EYS: variants seen among roughly 807,000 people sequenced by gnomAD.
The protein encoded by EYS is EGF-like photoreceptor maintenance factor.
A neutral mutation model predicts 282.1 loss-of-function variants in EYS; 250 were observed. That is an observed-to-expected ratio of 0.89 (90% confidence interval 0.80 to 0.98). The LOEUF (loss-of-function observed/expected upper bound fraction) is 0.98, where lower values mean the gene tolerates loss of function less well. EYS is among the 50% of genes least tolerant of loss of function. EYS has a pLI of 0.00. For missense variants in EYS, 4,016 were observed against 3,709.0 expected, an observed-to-expected ratio of 1.08 and a Z score of -2.15; for synonymous variants, 1,355 against 1,282.9, an observed-to-expected ratio of 1.06 and a Z score of -1.20.
intron 2 of EYS, among the ~76,000 whole-genome samples, chr6:65,600,023 T>C (rs1289389718): frequency 6.6e-6 from 1 of 152,038 alleles, no homozygotes; most frequent in Non-Finnish European, 1.5e-5. Flanking sequence ...GTAAAAGTGA[T>C]CATGTGATCA....
chr6:64,299,593 G>A (rs887128904), intron 30 of EYS, among the ~76,000 whole-genome samples: 6 of 152,214 alleles, frequency 3.9e-5, no homozygotes, highest in African/African-American at 9.6e-5. Context: ...CAAGTTCACA[G>A]GGATTGTTCA....
chr6:65,364,249 T>C (rs1764825504), intron 8 of EYS, among the ~76,000 whole-genome samples: 1 of 149,348 alleles, frequency 6.7e-6, no homozygotes, highest in Admixed American at 6.8e-5. Context: ...AACTAAATGT[T>C]TTTTTTTTCA....
At chr6:65,682,767 G>A (rs1202974568) in intron 1 of EYS, among the ~76,000 whole-genome samples, 1 of 151,828 alleles carries the variant, frequency 6.6e-6, no homozygotes, top group African/African-American at 2.4e-5. Context: ...AAGAGGTGAT[G>A]CTAAATTTAT....
chr6:64,321,661 T>C (rs902660115), intron 29 of EYS, among the ~76,000 whole-genome samples: 7 of 151,882 alleles, frequency 4.6e-5, no homozygotes, highest in Non-Finnish European at 1.0e-4. Flanking sequence ...TGGAAAATAA[T>C]AGATCAAGAA....
rs1554142131 is a variant in EYS, at chr6:64,310,078, A to AAAAAC, written c.6079-2997_6079-2996insGTTTT. ...TTAAAAGTAAAAAAAATAAAAAAAA[A>AAAAAC]AATAACAGATGCTGGCAAGATTGTG... On this transcript the variant is annotated intron_variant, in intron 29 of 42. Coordinates refer to ENST00000503581, the MANE Select transcript of EYS (RefSeq NM_001142800.2). Among the ~76,000 whole-genome samples, 469 of 145,208 alleles carry AAAAAC rather than the reference A, an allele frequency of 3.2e-3. 5 individuals carry two copies. Among genetic ancestry groups the AAAAAC allele is most frequent in the African/African-American group, 0.012 (450 of 38,648 alleles).
chr6:64,802,115 G>A (rs576758355), intron 22 of EYS, among the ~76,000 whole-genome samples: 2 of 131,514 alleles, frequency 1.5e-5, no homozygotes, highest in East Asian at 4.8e-4. Context: ...CTCACTGCAA[G>A]CTCCTCCTCC....
chr6:64,742,300 T>C (rs944179591), intron 22 of EYS, among the ~76,000 whole-genome samples: 1 of 152,196 alleles, frequency 6.6e-6, no homozygotes, highest in Non-Finnish European at 1.5e-5. Flanking sequence ...GTGTGGCTTA[T>C]GGCCCACTCA....
At chr6:64,107,287 A>ATATATATATATATATATATATATATATT (rs1773057201) in intron 31 of EYS, among the ~76,000 whole-genome samples, 7 of 59,624 alleles carry the variant, frequency 1.2e-4, no homozygotes, top group African/African-American at 2.5e-4. Context: ...ATATATATTT[A>ATATATATATATATATATATATATATATT]TATATATATA....
At chr6:64,220,196 G>A (rs1211691332) in intron 31 of EYS, among the ~76,000 whole-genome samples, 2 of 152,050 alleles carry the variant, frequency 1.3e-5, no homozygotes, top group African/African-American at 4.8e-5. Context: ...TAATAGAAAT[G>A]TATAGCAGTT....
intron 26 of EYS, among the ~76,000 whole-genome samples, chr6:64,576,775 A>G (rs1279707225): frequency 6.6e-6 from 1 of 152,114 alleles, no homozygotes; most frequent in African/African-American, 2.4e-5. Context: ...TTAATTTGCC[A>G]TTAGGAGGAA....
intron 14 of EYS, among the ~76,000 whole-genome samples, chr6:64,988,123 T>C (rs1335544999): frequency 1.3e-5 from 2 of 150,724 alleles, no homozygotes; most frequent in Non-Finnish European, 3.0e-5. Context: ...TTTCTTGCTC[T>C]GAGAGGGCAA....
chr6:64,080,988 C>T (rs868668851), intron 32 of EYS, among the ~76,000 whole-genome samples: 4 of 151,762 alleles, frequency 2.6e-5, no homozygotes, highest in African/African-American at 4.8e-5. Context: ...AGTCAGGTAG[C>T]GTGATGCCTC....
Position 63,984,340 on chromosome 6 carries a change from G to A in EYS, c.7055+43C>T, listed in dbSNP as rs1260740405. 3 of 1,333,876 alleles carry A rather than the reference G, an allele frequency of 2.2e-6. No individual in the cohort carries two copies. In the East Asian group the frequency reaches 7.5e-5, roughly 33 times the overall value. 82.6% of individuals were successfully genotyped at this position (1,333,876 alleles called of 1,614,324 possible). ...TGGCTTTTGTTGTTTTAAGAATTTG[G>A]AGTCATGTAACGTAGGTTGGGAATC... On this transcript the variant is annotated intron_variant, in intron 35 of 42. Transcript: ENST00000503581.
intron 12 of EYS, among the ~76,000 whole-genome samples, chr6:65,279,039 A>T (rs887086567): frequency 3.3e-5 from 5 of 151,948 alleles, no homozygotes; most frequent in African/African-American, 1.2e-4. Context: ...AAATACAAAA[A>T]TATTAGTTGG....
intron 22 of EYS, among the ~76,000 whole-genome samples, chr6:64,751,466 C>A (rs1349868033): frequency 6.6e-6 from 1 of 152,166 alleles, no homozygotes; most frequent in African/African-American, 2.4e-5. Context: ...CTCATTGGAG[C>A]TGGTGCTTGC....
intron 30 of EYS, among the ~76,000 whole-genome samples, chr6:64,284,552 C>A (rs1354756110): frequency 6.6e-6 from 1 of 152,132 alleles, no homozygotes; most frequent in Non-Finnish European, 1.5e-5. Context: ...CACAGCTCTA[C>A]TAGGTTGTGC....
intron 22 of EYS, among the ~76,000 whole-genome samples, chr6:64,687,671 C>G (rs1201092136): frequency 6.6e-6 from 1 of 152,266 alleles, no homozygotes; most frequent in South Asian, 2.1e-4. Flanking sequence ...GGATATTAGT[C>G]TAAAATTCTC....
chr6:65,084,324 C>T (rs996522863), intron 12 of EYS, among the ~76,000 whole-genome samples: 2 of 151,926 alleles, frequency 1.3e-5, no homozygotes, highest in South Asian at 2.1e-4. Flanking sequence ...TCCCCAAATA[C>T]GATGAACAGT....
chr6:64,844,074 C>T (rs955119590), intron 19 of EYS, among the ~76,000 whole-genome samples: 1 of 152,062 alleles, frequency 6.6e-6, no homozygotes, highest in African/African-American at 2.4e-5. Context: ...TCACCTCCCA[C>T]CATGATTCTG....
Sources: allele counts gnomAD v4.1 joint callset (sites outside exome capture counted in the v4.1 genomes callset), GRCh38; gene constraint gnomAD v4.1.1; transcripts MANE v1.5; gene names NCBI Gene and HGNC (gene_info 2026-07-23, HGNC 2026-07-21).